Variants in MYLK observed in about 807,000 individuals in gnomAD.
The protein encoded by MYLK is myosin light chain kinase.
MYLK carries 106 observed loss-of-function variants against 203.4 expected under a neutral mutation model. That is an observed-to-expected ratio of 0.52 (90% CI 0.45 to 0.61). The LOEUF (loss-of-function observed/expected upper bound fraction) is 0.61, where lower values mean the gene tolerates loss of function less well. MYLK is among the 20% of genes least tolerant of loss of function. The pLI, the probability that MYLK is intolerant of heterozygous loss-of-function variation, is 0.00. For synonymous variants in MYLK, 867 were observed against 959.5 expected (o/e 0.90, Z 1.78); for missense variants, 2,072 against 2,442.3 (o/e 0.85, Z 3.20).
chr3:123,624,862 T>C (rs2058058978), intron 31 of MYLK: 1 of 152,180 alleles, frequency 6.6e-6, no homozygotes, highest in Admixed American at 6.6e-5. Flanking sequence ...AACTCCACAC[T>C]TGTGGCCCCC....
In MYLK at chr3:123,829,325, T is replaced by C. The variant is rs113741242; in HGVS notation, c.-4+2223A>G. ...TAGAACTGGAGGACATTATATTAAG[T>C]GAGATAAGCCAGGAACAGAAAGTTA... is the stretch of plus-strand genomic sequence containing the variant. On this transcript the variant is annotated intron_variant, in intron 3 of 33. Coordinates refer to ENST00000360304, the MANE Select transcript of MYLK (RefSeq NM_053025.4). 3.1e-3 allele frequency among the ~76,000 whole-genome samples: 469 copies of C among 152,194 alleles called. 2 individuals are homozygous for C. Among genetic ancestry groups the C allele is most frequent in the African/African-American group, 0.011 (452 of 41,538 alleles).
intron 20 of MYLK, 77 bp downstream of exon 20, chr3:123,682,146 GC>G: frequency 9.1e-7 from 1 of 1,099,580 alleles, no homozygotes; most frequent in Non-Finnish European, 1.4e-6. Context: ...GAAAGTGGGG[GC>G]TCTGAGGCTG....
chr3:123,762,494 G>T (rs2063567466), intron 4 of MYLK, among the ~76,000 whole-genome samples: 1 of 152,082 alleles, frequency 6.6e-6, no homozygotes. Context: ...ACCTCCCAAA[G>T]TTGCTGGGAT....
chr3:123,699,329 GC>G (rs1013363489), intron 18 of MYLK, among the ~76,000 whole-genome samples: 17 of 152,150 alleles, frequency 1.1e-4, no homozygotes, highest in Non-Finnish European at 1.8e-4. Context: ...AGGATTTGGG[GC>G]CCCCCTCCTC....
At chr3:123,877,335 C>A (rs1278984134) in intron 1 of MYLK, among the ~76,000 whole-genome samples, 2 of 152,122 alleles carry the variant, frequency 1.3e-5, no homozygotes, top group African/African-American at 4.8e-5. Context: ...GGTGGTGACA[C>A]AGTCAGACTA....
In MYLK at chr3:123,701,436, A is replaced by AC; in HGVS notation, c.2462+1dup. The AC allele has an allele frequency of 6.2e-7, 1 of 1,613,900 alleles. No individual in the cohort carries two copies. On this transcript the variant is annotated splice_donor_variant, in intron 17 of 33. Transcript: ENST00000360304. LOFTEE classifies it high-confidence loss of function. ...GGAGGGGCAGCTCCTGGGGGCACTC[A>AC]CCGTGGAAGGGCTCTGGCAGAGCTG...
At chr3:123,844,840 T>G (rs76607014) in intron 2 of MYLK, among the ~76,000 whole-genome samples, 2 of 150,970 alleles carry the variant, frequency 1.3e-5, no homozygotes, top group African/African-American at 4.9e-5. Flanking sequence ...TTTTTTTTTT[T>G]TTTTTTTAAA....
intron 30 of MYLK, among the ~76,000 whole-genome samples, chr3:123,627,419 G>A (rs996563462): frequency 1.3e-4 from 20 of 152,316 alleles, no homozygotes; most frequent in African/African-American, 3.6e-4. Flanking sequence ...TTACGGTGTT[G>A]TTGAATATCA....
At chr3:123,781,270 C>T (rs1445145833) in intron 4 of MYLK, among the ~76,000 whole-genome samples, 2 of 152,216 alleles carry the variant, frequency 1.3e-5, no homozygotes, top group Admixed American at 6.5e-5. Flanking sequence ...GTAGATGAAG[C>T]CTGGAAGGGA....
rs72972308 is a variant in MYLK, at chr3:123,759,783, G to A, written c.166-7245C>T. On this transcript the variant is annotated intron_variant, in intron 4 of 33. Transcript: ENST00000360304. Reference sequence around the variant, plus strand: ...TGTAAGACTTAGCCTATCTGCAGCCGTTCTCTCCCAAGCCCCATTATCTAT... The same window carrying A: ...TGTAAGACTTAGCCTATCTGCAGCCATTCTCTCCCAAGCCCCATTATCTAT... Among the ~76,000 whole-genome samples, 903 of 152,238 alleles carry A rather than the reference G, an allele frequency of 5.9e-3. 10 individuals carry two copies. Among genetic ancestry groups the A allele is most frequent in the African/African-American group, 0.019 (796 of 41,538 alleles).
intron 20 of MYLK, chr3:123,681,699 AG>A (rs138387994): frequency 0.023 from 4,008 of 174,470 alleles, 156 homozygotes; most frequent in African/African-American, 0.089. Flanking sequence ...GCACCGGGAA[AG>A]ACAGGCGGGG....
rs763488992 is a variant in MYLK at position 123,733,054 on chromosome 3, G to C, written c.1358C>G (p.Pro453Arg). ...PEVAWFLEGT[P>R]VRRQEGSIEV... is the part of the protein sequence containing the mutation. ...AATGCTGCCTTCCTGTCTCCTCACG[G>C]GGGTGCCTTCCAGGAACCAGGCCAC... is the stretch of plus-strand genomic sequence containing the variant. The change falls in exon 11 of 34, where the codon CCC (proline) becomes CGC (arginine). Residue 453 changes from proline to arginine, a missense_variant. Physicochemically the swap from Pro to Arg is moderately radical, Grantham distance 103. Around this residue, in one of 3 missense-constraint regions of MYLK, gnomAD observed 683 missense variants for 643.8 expected, o/e 1.06. Transcript: ENST00000360304. The C allele has an allele frequency of 6.2e-7, 1 of 1,614,082 alleles. No homozygotes were observed. Among genetic ancestry groups the C allele is most frequent in the Admixed American group, 1.7e-5 (1 of 60,004 alleles).
intron 9 of MYLK, chr3:123,734,737 G>T (rs2062615198): frequency 6.3e-6 from 1 of 158,514 alleles, no homozygotes; most frequent in Admixed American, 6.0e-5. Flanking sequence ...GGCCACACTG[G>T]CGTCCTTCTG....
rs747222944 is a variant in MYLK, at chr3:123,738,987, C to A, written c.498G>T (p.Lys166Asn). 1.2e-6 allele frequency: 2 copies of A among 1,613,786 alleles called. No individual in the cohort carries two copies. The highest frequency in any genetic ancestry group is 1.7e-6 in the Non-Finnish European group (2 of 1,179,916). ...WGECPPKFAT[K>N]LGRVVVKEGQ... ...CTTCTTTGACCACAACTCGGCCCAGCTTGGTAGCAAACTTTGGTGGGCACT... is the reference window on the plus strand; with the variant it reads ...CTTCTTTGACCACAACTCGGCCCAGATTGGTAGCAAACTTTGGTGGGCACT... The change falls in exon 7 of 34, where the codon AAG becomes AAT. Residue 166 changes from lysine (K) to asparagine (N), a missense_variant. Physicochemically the swap from Lys to Asn is moderately conservative, Grantham distance 94. Transcript: ENST00000360304.
At chr3:123,767,510 G>C (rs1338261454) in intron 4 of MYLK, among the ~76,000 whole-genome samples, 1 of 152,228 alleles carries the variant, frequency 6.6e-6, no homozygotes, top group African/African-American at 2.4e-5. Context: ...AGGTGGCTGA[G>C]GCACGAGAAT....
At chr3:123,833,515 T>C (rs1256316874) in intron 2 of MYLK, among the ~76,000 whole-genome samples, 1 of 45,182 alleles carries the variant, frequency 2.2e-5, no homozygotes, top group East Asian at 2.2e-3. Context: ...TATCCTCAGT[T>C]CCCTACCCTG....
chr3:123,794,194 T>C (rs2064900813), intron 3 of MYLK, among the ~76,000 whole-genome samples: 1 of 152,218 alleles, frequency 6.6e-6, no homozygotes. Flanking sequence ...AATAGATATC[T>C]ATAATCTGTA....
At chr3:123,638,380 CA>C (rs1159561127) in intron 28 of MYLK, among the ~76,000 whole-genome samples, 186 bp from the exon 29 acceptor site, 1 of 152,048 alleles carries the variant, frequency 6.6e-6, no homozygotes, top group Non-Finnish European at 1.5e-5. Context: ...CCAGTGAAAC[CA>C]ACAAACCTCA....
At chr3:123,681,721 A>T in intron 20 of MYLK, 1 of 181,170 alleles carries the variant, frequency 5.5e-6, no homozygotes. Flanking sequence ...GGCAGGCCAC[A>T]TGTGGGACCA....
Sources: allele counts gnomAD v4.1 joint callset (sites outside exome capture counted in the v4.1 genomes callset), GRCh38; gene constraint gnomAD v4.1.1; regional missense constraint gnomAD v4.1.1; transcripts MANE v1.5; gene names NCBI Gene and HGNC (gene_info 2026-07-23, HGNC 2026-07-21).